The following WNT9B variants were observed in gnomAD, a reference collection of about 807,000 sequenced individuals.
WNT9B encodes the protein protein Wnt-9b.
Under a neutral mutation model 30.2 loss-of-function variants are expected in WNT9B, and 12 were observed. The observed-to-expected ratio is 0.40, with a 90% CI of 0.26 to 0.64. The LOEUF is 0.64. Among genes scored for constraint, WNT9B ranks in the 30% least tolerant of loss-of-function variants. The pLI is 0.42. For missense variants in WNT9B, 442 were observed against 485.2 expected (o/e 0.91, Z 0.84); for synonymous variants, 218 against 216.9 (o/e 1.01, Z -0.05).
chr17:46,833,285 A>G (rs1438960067), exon 1 of WNT9B: 1 of 479,294 alleles, frequency 2.1e-6, no homozygotes, highest in Non-Finnish European at 4.2e-6. Flanking sequence ...GGCTCCTTCC[A>G]CAAGTTCTAA....
At chr17:46,839,166 C>A (rs1393066786) in intron 1 of WNT9B, among the ~76,000 whole-genome samples, 3 of 152,234 alleles carry the variant, frequency 2.0e-5, no homozygotes, top group Admixed American at 6.5e-5. Flanking sequence ...GCGTGAGCCA[C>A]CGCACCTGGC....
At chr17:46,837,726 C>T (rs1394115503) in intron 1 of WNT9B, among the ~76,000 whole-genome samples, 3 of 152,176 alleles carry the variant, frequency 2.0e-5, no homozygotes, top group Admixed American at 2.0e-4. Context: ...AGGGATGGCT[C>T]ATGGTCAGTG....
chr17:46,859,156 A>C (rs1466391291), intron 1 of WNT9B, among the ~76,000 whole-genome samples: 1 of 150,084 alleles, frequency 6.7e-6, no homozygotes, highest in African/African-American at 2.5e-5. Flanking sequence ...TTGTATTTTT[A>C]GTGGAGATGG....
intron 1 of WNT9B, among the ~76,000 whole-genome samples, chr17:46,839,106 G>C (rs1452940234): frequency 6.6e-6 from 1 of 152,160 alleles, no homozygotes; most frequent in East Asian, 1.9e-4. Flanking sequence ...TCGAACTCCT[G>C]ACCTCAGGAG....
At chr17:46,854,302 A>G (rs1007508936) in intron 1 of WNT9B, among the ~76,000 whole-genome samples, 2 of 152,224 alleles carry the variant, frequency 1.3e-5, no homozygotes, top group African/African-American at 2.4e-5. Flanking sequence ...GTAGTGGGAA[A>G]GTGAGGCAAA....
chr17:46,873,130 AC>A (rs2085283094), intron 2 of WNT9B, among the ~76,000 whole-genome samples: 1 of 142,512 alleles, frequency 7.0e-6, no homozygotes, highest in Non-Finnish European at 1.5e-5. Context: ...ACACACACAC[AC>A]ACGAAACAAG....
Position 46,872,612 on chromosome 17 carries a change from T to C in WNT9B, c.173T>C (p.Leu58Pro). Residue 58 changes from leucine to proline, a missense_variant, in exon 2 of 4, where the codon CTG becomes CCG. Coordinates refer to ENST00000290015, the MANE Select transcript of WNT9B (RefSeq NM_003396.3). ...GGAHLKQCDL[L>P]KLSRRQKQLC... ...GCCCACCTGAAGCAGTGTGACCTGC[T>C]GAAGCTGTCCCGGCGGCAGAAGCAG... 1.2e-6 allele frequency: 2 copies of C among 1,613,106 alleles called. No individual in the cohort carries two copies. Among genetic ancestry groups the C allele is most frequent in the Non-Finnish European group, 1.7e-6 (2 of 1,179,690 alleles).
At chr17:46,863,215 C>G (rs1283411798) in intron 1 of WNT9B, among the ~76,000 whole-genome samples, 1 of 152,238 alleles carries the variant, frequency 6.6e-6, no homozygotes, top group African/African-American at 2.4e-5. Context: ...GTGGTAGCCT[C>G]TGCAGCCAGA....
At chr17:46,873,086 TCACACACACACACACACACACACACA>T (rs61118325) in intron 2 of WNT9B, among the ~76,000 whole-genome samples, 4 of 139,820 alleles carry the variant, frequency 2.9e-5, no homozygotes, top group East Asian at 2.2e-4. Context: ...CTCTGCCTCT[TCACACACACACACACACACACACACA>T]CACACACACA....
In WNT9B at chr17:46,878,564, G is replaced by C. The variant is rs1181894162; in HGVS notation, c.*1846G>C. On this transcript the variant is annotated 3_prime_UTR_variant, in exon 4 of 4. Coordinates refer to ENST00000290015, the MANE Select transcript of WNT9B (RefSeq NM_003396.3). ...TGGCAGCAGGAGAAAAATGGGGAGAGGGCTGGTTTTCTCCTTTCTTCCACT... is the reference window on the plus strand; with the variant it reads ...TGGCAGCAGGAGAAAAATGGGGAGACGGCTGGTTTTCTCCTTTCTTCCACT... Among the ~76,000 whole-genome samples the C allele has an allele frequency of 2.0e-5, 3 of 152,212 alleles. No individual in the cohort carries two copies. Among genetic ancestry groups the C allele is most frequent in the Non-Finnish European group, 4.4e-5 (3 of 68,036 alleles).
At chr17:46,843,050 A>G (rs1195996155) in intron 1 of WNT9B, among the ~76,000 whole-genome samples, 1 of 152,254 alleles carries the variant, frequency 6.6e-6, no homozygotes, top group Non-Finnish European at 1.5e-5. Flanking sequence ...TATTGGAGAC[A>G]TGTGGTATTG....
intron 1 of WNT9B, among the ~76,000 whole-genome samples, chr17:46,841,520 C>A (rs1193643676): frequency 6.6e-6 from 1 of 152,222 alleles, no homozygotes; most frequent in Non-Finnish European, 1.5e-5. Context: ...GCCAACAGGC[C>A]AACTAAGCCA....
Position 46,878,527 on chromosome 17 carries a change from T to G in WNT9B, c.*1809T>G, listed in dbSNP as rs986787508. 2.0e-5 allele frequency among the ~76,000 whole-genome samples: 3 copies of G among 152,184 alleles called. No individual in the cohort carries two copies. The highest frequency in any genetic ancestry group is 7.2e-5 in the African/African-American group (3 of 41,442). ...AAATGACATTGCTGACCCAAGCACCTGGCCCACACCTTGGCAGCAGGAGAA... is the reference window on the plus strand; with the variant it reads ...AAATGACATTGCTGACCCAAGCACCGGGCCCACACCTTGGCAGCAGGAGAA... On this transcript the variant is annotated 3_prime_UTR_variant, in exon 4 of 4. Coordinates refer to ENST00000290015, the MANE Select transcript of WNT9B (RefSeq NM_003396.3).
At chr17:46,884,522 A>T (rs1470590530), downstream of WNT9B, among the ~76,000 whole-genome samples, 1 of 152,194 alleles carries the variant, frequency 6.6e-6, no homozygotes, top group Non-Finnish European at 1.5e-5. Flanking sequence ...TTTCCTTTCC[A>T]GCCTGATGAC....
At chr17:46,862,785 T>C (rs1181201988) in intron 1 of WNT9B, among the ~76,000 whole-genome samples, 1 of 152,168 alleles carries the variant, frequency 6.6e-6, no homozygotes, top group Admixed American at 6.5e-5. Flanking sequence ...GGTTTTACCA[T>C]GTTGGCCAGG....
chr17:46,875,998 C>T (rs1436545987), intron 3 of WNT9B, among the ~76,000 whole-genome samples: 3 of 151,632 alleles, frequency 2.0e-5, no homozygotes, highest in Admixed American at 1.3e-4. Context: ...TGTTCAGTCA[C>T]TGAGTTGGTG....
rs775105831 is a variant in WNT9B, at chr17:46,876,216, A to G, written c.601-29A>G. On this transcript the variant is annotated intron_variant, in intron 3 of 3. Transcript: ENST00000290015. Reference sequence around the variant, plus strand: ...TCTGGCTGCTGGGCCCAGGCCTCTGACCACGCCTCTGTTCTGCCTCCCCCA... The same window carrying G: ...TCTGGCTGCTGGGCCCAGGCCTCTGGCCACGCCTCTGTTCTGCCTCCCCCA... 4.5e-6 allele frequency: 7 copies of G among 1,567,594 alleles called. No homozygotes were observed. In the South Asian group the frequency reaches 7.2e-5, roughly 16 times the overall value.
At chr17:46,842,296 G>T (rs1322390074) in intron 1 of WNT9B, among the ~76,000 whole-genome samples, 1 of 152,234 alleles carries the variant, frequency 6.6e-6, no homozygotes, top group Non-Finnish European at 1.5e-5. Flanking sequence ...ATATGCCGCT[G>T]CTGCACACCC....
At chr17:46,880,825 G>T (rs2085413188), downstream of WNT9B, among the ~76,000 whole-genome samples, 1 of 152,124 alleles carries the variant, frequency 6.6e-6, no homozygotes, top group African/African-American at 2.4e-5. Flanking sequence ...ATCCATCCTG[G>T]ATTACACACC....
Sources: allele counts gnomAD v4.1 joint callset (sites outside exome capture counted in the v4.1 genomes callset), GRCh38; gene constraint gnomAD v4.1.1; transcripts MANE v1.5; gene names NCBI Gene and HGNC (gene_info 2026-07-23, HGNC 2026-07-21).